The following FSTL5 variants were observed in gnomAD, a reference collection of about 807,000 sequenced individuals.
FSTL5 encodes the protein follistatin-related protein 5.
FSTL5 carries 62 observed loss-of-function variants against 89.1 expected under a neutral mutation model. The ratio of observed to expected loss-of-function variants is 0.70; its 90% CI spans 0.57 to 0.86. The LOEUF is 0.86. FSTL5 is among the 40% of genes least tolerant of loss of function. The probability of loss-of-function intolerance (pLI) is 0.00; values close to 1 mark genes in which losing one functional copy is unlikely to be tolerated. For missense variants in FSTL5, 1,057 were observed against 1,001.6 expected (o/e 1.06, Z -0.75); for synonymous variants, 383 against 346.2 (o/e 1.11, Z -1.18).
intron 3 of FSTL5, among the ~76,000 whole-genome samples, chr4:162,030,967 C>A (rs974280534): frequency 4.6e-5 from 7 of 152,104 alleles, no homozygotes; most frequent in South Asian, 2.1e-4. Context: ...TTACAAAATT[C>A]TCAATGCATT....
At chr4:162,012,968 G>A (rs1165341606) in intron 3 of FSTL5, among the ~76,000 whole-genome samples, 1 of 152,092 alleles carries the variant, frequency 6.6e-6, no homozygotes, top group Non-Finnish European at 1.5e-5. Flanking sequence ...CAGATCACAT[G>A]AGGTCAGGAG....
chr4:162,140,990 A>G (rs527714731), intron 1 of FSTL5, among the ~76,000 whole-genome samples: 2 of 151,590 alleles, frequency 1.3e-5, no homozygotes, highest in Admixed American at 6.6e-5. Flanking sequence ...ATGGGGGTAG[A>G]TCTCTTAAGA....
chr4:161,934,521 G>T (rs1734380650), intron 3 of FSTL5, among the ~76,000 whole-genome samples: 1 of 152,070 alleles, frequency 6.6e-6, no homozygotes, highest in South Asian at 2.1e-4. Context: ...CATATGATCA[G>T]TAGTGTTTAG....
intron 7 of FSTL5, among the ~76,000 whole-genome samples, chr4:161,610,188 T>TA (rs1560977696): frequency 2.0e-5 from 3 of 152,100 alleles, no homozygotes; most frequent in Non-Finnish European, 4.4e-5. Context: ...ATATGAGGTT[T>TA]AAAAAATTGA....
At chr4:161,751,233 A>G (rs76395365) in intron 6 of FSTL5, among the ~76,000 whole-genome samples, 5,379 of 152,258 alleles carry the variant, frequency 0.035, 220 homozygotes, top group East Asian at 0.2. Context: ...GACTTAAAAA[A>G]AAATACAGTT....
chr4:161,510,481 C>T (rs905283231), intron 10 of FSTL5, 57 bp from the exon 11 acceptor site: 10 of 981,596 alleles, frequency 1.0e-5, no homozygotes, highest in Admixed American at 3.0e-5. Context: ...AGAGCTTTTG[C>T]TATATGGTAA....
chr4:161,954,802 C>T (rs1361655587), intron 3 of FSTL5, among the ~76,000 whole-genome samples: 1 of 151,368 alleles, frequency 6.6e-6, no homozygotes, highest in Non-Finnish European at 1.5e-5. Flanking sequence ...ATGTCTTTAG[C>T]AAATTAAAAA....
intron 4 of FSTL5, among the ~76,000 whole-genome samples, chr4:161,874,152 C>T (rs1732365450): frequency 6.6e-6 from 1 of 151,982 alleles, no homozygotes; most frequent in Admixed American, 6.6e-5. Context: ...ATTTAGTCTC[C>T]TAACAGCAGT....
At chr4:161,917,321 G>A (rs1733868844) in intron 4 of FSTL5, among the ~76,000 whole-genome samples, 2 of 152,152 alleles carry the variant, frequency 1.3e-5, no homozygotes, top group Non-Finnish European at 1.5e-5. Context: ...TTACCTTGAA[G>A]TGCAAATCAG....
intron 7 of FSTL5, among the ~76,000 whole-genome samples, chr4:161,647,758 G>A (rs1314021467): frequency 6.6e-6 from 1 of 152,106 alleles, no homozygotes; most frequent in South Asian, 2.1e-4. Flanking sequence ...GGTATGGTCC[G>A]TGGCTAGGGC....
chr4:161,385,797 T>C lies in FSTL5; in HGVS notation c.2494A>G (p.Ile832Val). The stretch of plus-strand genomic sequence containing the variant: ...GTATTTCCTTTTTCAACTTCAGTGA[T>C]CTCACAGTTTAATTTATTGAGTCGT... ...DGRLNKLNCEITEVEKGNTVI... is the reference protein window; with the variant it reads ...DGRLNKLNCEVTEVEKGNTVI... The change falls in exon 16 of 16, where the codon ATC becomes GTC. Residue 832 changes from isoleucine (I) to valine (V), a missense_variant. Physicochemically the swap from Ile to Val is conservative, Grantham distance 29. Transcript: ENST00000306100. 1 of 1,611,130 alleles carries C rather than the reference T, an allele frequency of 6.2e-7. No homozygotes were observed. The highest frequency in any genetic ancestry group is 8.5e-7 in the Non-Finnish European group (1 of 1,179,136).
chr4:161,572,233 C>T (rs1314617188), intron 8 of FSTL5, among the ~76,000 whole-genome samples: 2 of 142,508 alleles, frequency 1.4e-5, no homozygotes, highest in African/African-American at 2.6e-5. Context: ...GCAGGAGAAT[C>T]GTTTGAACCT....
At chr4:161,785,947 G>C (rs2126815125) in intron 4 of FSTL5, among the ~76,000 whole-genome samples, 1 of 152,122 alleles carries the variant, frequency 6.6e-6, no homozygotes, top group East Asian at 1.9e-4. Flanking sequence ...AAATGCAAAA[G>C]TGGTAATGAA....
intron 15 of FSTL5, among the ~76,000 whole-genome samples, chr4:161,447,586 T>C (rs1357723844): frequency 1.3e-5 from 2 of 152,228 alleles, no homozygotes; most frequent in African/African-American, 4.8e-5. Context: ...CACTCTGTTT[T>C]TTCTATCTAA....
intron 15 of FSTL5, among the ~76,000 whole-genome samples, chr4:161,434,393 C>T (rs561680217): frequency 1.3e-5 from 2 of 151,994 alleles, no homozygotes; most frequent in East Asian, 1.9e-4. Flanking sequence ...TCTTGCCATA[C>T]ACAAAAATCA....
intron 1 of FSTL5, among the ~76,000 whole-genome samples, chr4:162,146,014 TCA>T (rs1023266861): frequency 6.6e-6 from 1 of 152,188 alleles, no homozygotes; most frequent in African/African-American, 2.4e-5. Flanking sequence ...TAAAACTATT[TCA>T]CAGTTTCATA....
chr4:162,078,852 C>T (rs1729973538), intron 2 of FSTL5, among the ~76,000 whole-genome samples: 1 of 151,774 alleles, frequency 6.6e-6, no homozygotes, highest in South Asian at 2.1e-4. Flanking sequence ...GGTATTTTTA[C>T]ATGTGTTAGT....
At chr4:161,708,240 A>T (rs1023096040) in intron 6 of FSTL5, among the ~76,000 whole-genome samples, 7 of 151,930 alleles carry the variant, frequency 4.6e-5, no homozygotes, top group African/African-American at 1.7e-4. Context: ...TCAGGTTGAA[A>T]ACTACAGATC....
chr4:161,560,646 C>A (rs113600079), intron 8 of FSTL5, among the ~76,000 whole-genome samples: 50 of 151,710 alleles, frequency 3.3e-4, no homozygotes, highest in African/African-American at 1.2e-3. Context: ...CACAAACTCA[C>A]ACATTAGTTG....
Sources: allele counts gnomAD v4.1 joint callset (sites outside exome capture counted in the v4.1 genomes callset), GRCh38; gene constraint gnomAD v4.1.1; transcripts MANE v1.5; gene names NCBI Gene and HGNC (gene_info 2026-07-23, HGNC 2026-07-21).